Variants in LRP1B observed in about 807,000 individuals in gnomAD.
LRP1B encodes the protein LDL receptor related protein 1B.
In LRP1B, 217 loss-of-function variants were observed where a neutral mutation model predicts 556.6. The observed-to-expected ratio is 0.39, with a 90% CI of 0.35 to 0.44. The LOEUF is 0.44. LRP1B is among the 20% of genes least tolerant of loss of function. The probability of loss-of-function intolerance (pLI) is 1.00; values close to 1 mark genes in which losing one functional copy is unlikely to be tolerated. For missense variants in LRP1B, 5,053 were observed against 5,620.8 expected (o/e 0.90, Z 3.23); for synonymous variants, 2,047 against 1,865.8 (o/e 1.10, Z -2.50).
At chr2:141,110,194 G>A (rs1700712849) in intron 7 of LRP1B, among the ~76,000 whole-genome samples, 1 of 152,052 alleles carries the variant, frequency 6.6e-6, no homozygotes. Context: ...AGGGTATAGG[G>A]ACATAGGCAT....
intron 11 of LRP1B, among the ~76,000 whole-genome samples, chr2:141,022,807 C>A (rs1263843673): frequency 1.3e-5 from 2 of 151,888 alleles, no homozygotes. Context: ...GAGTAGATTT[C>A]TTTGTATACT....
chr2:141,923,586 A>G (rs1161861606), intron 1 of LRP1B, among the ~76,000 whole-genome samples: 1 of 150,262 alleles, frequency 6.7e-6, no homozygotes, highest in Non-Finnish European at 1.5e-5. Flanking sequence ...GTTGCCCTAT[A>G]TGGTAATGTT....
At chr2:141,007,006 A>G (rs1697594942) in intron 14 of LRP1B, among the ~76,000 whole-genome samples, 1 of 151,956 alleles carries the variant, frequency 6.6e-6, no homozygotes, top group Non-Finnish European at 1.5e-5. Context: ...TAGGTAATGT[A>G]ATTGTAGGGT....
intron 18 of LRP1B, among the ~76,000 whole-genome samples, chr2:140,979,237 C>T (rs1696693029): frequency 6.6e-6 from 1 of 152,072 alleles, no homozygotes; most frequent in Admixed American, 6.6e-5. Flanking sequence ...TCTTGGTCTC[C>T]CAAAGCGCTG....
At chr2:141,776,765 G>A (rs1463633453) in intron 2 of LRP1B, among the ~76,000 whole-genome samples, 1 of 152,182 alleles carries the variant, frequency 6.6e-6, no homozygotes, top group Non-Finnish European at 1.5e-5. Context: ...TGCTATACTT[G>A]AAGTGCCTGA....
At chr2:141,152,326 T>C (rs1356297313) in intron 7 of LRP1B, among the ~76,000 whole-genome samples, 1 of 152,004 alleles carries the variant, frequency 6.6e-6, no homozygotes, top group Non-Finnish European at 1.5e-5. Flanking sequence ...GTTTCCAAAA[T>C]TCTTATTCTT....
At chr2:140,304,095 T>C (rs1425825223) in intron 83 of LRP1B, among the ~76,000 whole-genome samples, 3 of 152,208 alleles carry the variant, frequency 2.0e-5, no homozygotes, top group African/African-American at 4.8e-5. Flanking sequence ...GTCTTTGCTA[T>C]TGTGAATAGT....
chr2:141,748,916 T>A (rs1694006521), intron 2 of LRP1B, among the ~76,000 whole-genome samples: 1 of 152,192 alleles, frequency 6.6e-6, no homozygotes, highest in Non-Finnish European at 1.5e-5. Context: ...TTATAGCTGC[T>A]AAGGGGCTGC....
At chr2:142,022,649 T>G (rs1381635302) in intron 1 of LRP1B, among the ~76,000 whole-genome samples, 1 of 151,946 alleles carries the variant, frequency 6.6e-6, no homozygotes, top group Non-Finnish European at 1.5e-5. Context: ...TAAACAAATC[T>G]CACTGCTTTT....
chr2:141,316,561 G>T (rs1687043116), intron 3 of LRP1B, among the ~76,000 whole-genome samples: 1 of 152,132 alleles, frequency 6.6e-6, no homozygotes, highest in Non-Finnish European at 1.5e-5. Context: ...CCTCTTAGGG[G>T]CAATGATGAC....
At chr2:140,309,320 T>A (rs1374807737) in intron 83 of LRP1B, among the ~76,000 whole-genome samples, 1 of 151,836 alleles carries the variant, frequency 6.6e-6, no homozygotes, top group African/African-American at 2.4e-5. Context: ...AGGTCACAAT[T>A]TATTTATACT....
At chr2:141,688,784 T>C (rs558336447) in intron 2 of LRP1B, among the ~76,000 whole-genome samples, 3 of 151,950 alleles carry the variant, frequency 2.0e-5, no homozygotes, top group South Asian at 4.1e-4. Context: ...ACCGTTTCAA[T>C]TGAGAAGTCA....
At chr2:140,626,989 A>T (rs12470261) in intron 41 of LRP1B, among the ~76,000 whole-genome samples, 9 of 152,022 alleles carry the variant, frequency 5.9e-5, no homozygotes, top group Admixed American at 5.9e-4. Flanking sequence ...CAAGGGCTCA[A>T]TGAATACTAT....
chr2:140,463,203 T>C (rs1262053681), intron 60 of LRP1B, among the ~76,000 whole-genome samples: 1 of 152,038 alleles, frequency 6.6e-6, no homozygotes, highest in Non-Finnish European at 1.5e-5. Context: ...TAATGGTTTC[T>C]AGTTGATGAA....
chr2:140,873,221 G>T (rs1370056686), intron 25 of LRP1B, among the ~76,000 whole-genome samples: 2 of 152,010 alleles, frequency 1.3e-5, no homozygotes, highest in Non-Finnish European at 2.9e-5. Flanking sequence ...GTCAAAATTT[G>T]CCATAGGGGT....
chr2:142,040,605 T>C lies in LRP1B; in HGVS notation c.82+90043A>G, dbSNP rs1276166522. Among the ~76,000 whole-genome samples the C allele has an allele frequency of 4.1e-5, 6 of 145,570 alleles. 1 individual carries two copies. Among genetic ancestry groups the C allele is most frequent in the Admixed American group, 3.6e-4 (5 of 14,078 alleles). ...TTTTAAATGCAGTCTAGAAAATGCATGCTAAAAACAGTACTGAGGTTTTTT... is the reference window on the plus strand; with the variant it reads ...TTTTAAATGCAGTCTAGAAAATGCACGCTAAAAACAGTACTGAGGTTTTTT... On this transcript the variant is annotated intron_variant, in intron 1 of 90. Transcript: ENST00000389484.
intron 32 of LRP1B, among the ~76,000 whole-genome samples, chr2:140,804,565 T>A (rs1690642844): frequency 6.6e-6 from 1 of 151,526 alleles, no homozygotes; most frequent in African/African-American, 2.4e-5. Flanking sequence ...GATATTTTGC[T>A]GAGAAGAAAT....
At chr2:141,989,729 C>A (rs1702290414) in intron 1 of LRP1B, among the ~76,000 whole-genome samples, 1 of 152,022 alleles carries the variant, frequency 6.6e-6, no homozygotes, top group African/African-American at 2.4e-5. Flanking sequence ...TTTCACTCAG[C>A]ACTTTCTCTC....
chr2:141,144,336 C>A (rs1487494630), intron 7 of LRP1B, among the ~76,000 whole-genome samples: 1 of 152,086 alleles, frequency 6.6e-6, no homozygotes, highest in Admixed American at 6.6e-5. Flanking sequence ...AGAATTTGAA[C>A]CAAGTTAGTG....
Sources: gnomAD v4.1 joint callset for allele counts (sites outside exome capture counted in the v4.1 genomes callset) on GRCh38, gnomAD v4.1.1 for gene constraint, MANE v1.5 for transcripts, NCBI Gene and HGNC (gene_info 2026-07-23, HGNC 2026-07-21) for gene names.